Variants in UBE2D3 observed in about 807,000 individuals in gnomAD.
UBE2D3 encodes ubiquitin-conjugating enzyme E2 D3.
Under a neutral mutation model 22.8 loss-of-function variants are expected in UBE2D3, and 2 were observed. The observed-to-expected ratio is 0.09, with a 90% CI of 0.04 to 0.28. UBE2D3 has a LOEUF of 0.28. UBE2D3 is among the 10% of genes least tolerant of loss of function. UBE2D3 has a pLI of 1.00. For missense variants in UBE2D3, 27 were observed against 182.5 expected (o/e 0.15, Z 4.91); for synonymous variants, 56 against 60.4 (o/e 0.93, Z 0.34).
chr4:102,797,556 A>C (rs1725396080), intron 7 of UBE2D3, 96 bp from the exon 8 acceptor site: 1 of 953,296 alleles, frequency 1.0e-6, no homozygotes, highest in Admixed American at 2.4e-5. Context: ...CTCCAGACTC[A>C]TCATGAAGTC....
chr4:102,799,609 G>C, intron 6 of UBE2D3, 109 bp from the exon 7 acceptor site: 1 of 732,364 alleles, frequency 1.4e-6, no homozygotes, highest in South Asian at 2.2e-5. Context: ...TTATTAGTTT[G>C]TATCTTTATC....
At chr4:102,850,829 G>C (rs978431018) in intron 1 of UBE2D3, among the ~76,000 whole-genome samples, 4 of 152,090 alleles carry the variant, frequency 2.6e-5, no homozygotes, top group Admixed American at 6.5e-5. Context: ...AGTAACTCAG[G>C]AATGGAAAAC....
chr4:102,833,580 G>C (rs762954225), intron 1 of UBE2D3, among the ~76,000 whole-genome samples: 5 of 152,190 alleles, frequency 3.3e-5, no homozygotes, highest in African/African-American at 4.8e-5. Context: ...GATGTAGATA[G>C]AGATTATAAC....
At chr4:102,846,166 C>T (rs969797369) in intron 1 of UBE2D3, among the ~76,000 whole-genome samples, 4 of 152,196 alleles carry the variant, frequency 2.6e-5, no homozygotes, top group Admixed American at 6.5e-5. Flanking sequence ...GATCAGCTAA[C>T]TCAGTTCCAC....
At chr4:102,836,445 C>G (rs544956617) in intron 1 of UBE2D3, among the ~76,000 whole-genome samples, 1 of 152,272 alleles carries the variant, frequency 6.6e-6, no homozygotes, top group East Asian at 1.9e-4. Context: ...CTCCGCCTAG[C>G]CTCTTCCAAT....
At chr4:102,821,272 C>G (rs921010571) in intron 2 of UBE2D3, among the ~76,000 whole-genome samples, 1 of 152,028 alleles carries the variant, frequency 6.6e-6, no homozygotes, top group African/African-American at 2.4e-5. Context: ...TGTAATAATA[C>G]TAGTACAAAA....
intron 4 of UBE2D3, among the ~76,000 whole-genome samples, chr4:102,806,555 G>A (rs918342055): frequency 3.9e-5 from 6 of 152,080 alleles, no homozygotes; most frequent in African/African-American, 1.4e-4. Context: ...TAGTACCTAT[G>A]GACCAATTAT....
intron 1 of UBE2D3, chr4:102,868,672 G>C (rs751912291): frequency 6.2e-7 from 1 of 1,613,840 alleles, no homozygotes; most frequent in East Asian, 2.2e-5. Flanking sequence ...TAGGGGAAGA[G>C]GCGGGGCGAG....
chr4:102,861,086 C>T (rs886354660), intron 1 of UBE2D3, among the ~76,000 whole-genome samples: 4 of 151,892 alleles, frequency 2.6e-5, no homozygotes, highest in Non-Finnish European at 2.9e-5. Context: ...GCCTTTTGGG[C>T]GGCAACACGC....
At chr4:102,817,546 G>A (rs1728949527) in intron 2 of UBE2D3, among the ~76,000 whole-genome samples, 1 of 152,142 alleles carries the variant, frequency 6.6e-6, no homozygotes, top group Non-Finnish European at 1.5e-5. Context: ...CTAGGGGTAA[G>A]TTTCAAAAAG....
intron 1 of UBE2D3, among the ~76,000 whole-genome samples, chr4:102,863,523 C>A (rs977417898): frequency 6.6e-6 from 1 of 152,122 alleles, no homozygotes; most frequent in African/African-American, 2.4e-5. Context: ...TTGAGACAGT[C>A]TCACTCTGTG....
At position 102,847,536 on chromosome 4, in the gene UBE2D3, C is replaced by T. The variant is rs188286393; in HGVS notation, c.-128-20900G>A. 2.3e-3 allele frequency among the ~76,000 whole-genome samples: 353 copies of T among 152,322 alleles called. 2 individuals carry two copies. Among genetic ancestry groups the T allele is most frequent in the African/African-American group, 8.0e-3 (331 of 41,566 alleles). ...TCCTGGCCTCAAGTGATCTACCCAC[C>T]TCAGCCTCCCAAAGTGCTGGGATTA... On this transcript the variant is annotated intron_variant, in intron 1 of 7. Transcript: ENST00000338145.
chr4:102,855,710 G>A (rs223352), intron 1 of UBE2D3, among the ~76,000 whole-genome samples: 87,388 of 152,072 alleles, frequency 0.57, 26,419 homozygotes, highest in African/African-American at 0.78. Context: ...AGCATGAGCC[G>A]TTGTGCCCAG....
chr4:102,854,874 T>G (rs1044042315), intron 1 of UBE2D3, among the ~76,000 whole-genome samples: 1 of 152,230 alleles, frequency 6.6e-6, no homozygotes, highest in African/African-American at 2.4e-5. Flanking sequence ...TCTGAAATAC[T>G]GTTTTGCCAT....
Position 102,799,425 on chromosome 4 carries a change from T to C in UBE2D3, c.380A>G (p.Tyr127Cys). The change falls in exon 7 of 8, where the codon TAT becomes TGT. Residue 127 changes from tyrosine to cysteine, a missense_variant. Physicochemically the swap from Tyr to Cys is radical, Grantham distance 194. Coordinates refer to ENST00000453744, the MANE Select transcript of UBE2D3 (RefSeq NM_181891.3). The stretch of plus-strand genomic sequence containing the variant: ...TACTTACTTATCTCTGTCTGTTTTA[T>C]AGATCCGTGCAATCTCTGGCACTAG... Reference protein sequence around the residue: ...DPLVPEIARIYKTDRDKYNRI... With the variant: ...DPLVPEIARICKTDRDKYNRI... 1 of 1,612,072 alleles carries C rather than the reference T, an allele frequency of 6.2e-7. No homozygotes were observed. Among genetic ancestry groups the C allele is most frequent in the Non-Finnish European group, 8.5e-7 (1 of 1,178,620 alleles).
chr4:102,852,927 T>C (rs1162723331), intron 1 of UBE2D3, among the ~76,000 whole-genome samples: 2 of 152,106 alleles, frequency 1.3e-5, no homozygotes. Flanking sequence ...TTTTTCCCAG[T>C]CTGAAAAGAT....
chr4:102,856,866 G>C (rs963596551), intron 1 of UBE2D3, among the ~76,000 whole-genome samples: 2 of 152,274 alleles, frequency 1.3e-5, no homozygotes, highest in Non-Finnish European at 2.9e-5. Context: ...AAACTACAGA[G>C]ACAAAAGATA....
At chr4:102,855,372 C>T (rs1732571817) in intron 1 of UBE2D3, among the ~76,000 whole-genome samples, 1 of 152,246 alleles carries the variant, frequency 6.6e-6, no homozygotes, top group African/African-American at 2.4e-5. Context: ...ACAACATGTA[C>T]CAACAGAAGT....
intron 1 of UBE2D3, 65 bp downstream of exon 1, chr4:102,827,362 T>C (rs1641504128): frequency 2.0e-6 from 2 of 984,800 alleles, no homozygotes; most frequent in African/African-American, 1.7e-5. Flanking sequence ...GCACTGCCCC[T>C]CTTACCCGGC....
Sources: gnomAD v4.1 joint callset for allele counts (sites outside exome capture counted in the v4.1 genomes callset) on GRCh38, gnomAD v4.1.1 for gene constraint, MANE v1.5 for transcripts, NCBI Gene and HGNC (gene_info 2026-07-23, HGNC 2026-07-21) for gene names.